The following CTDNEP1 variants were observed in gnomAD, a reference collection of about 807,000 sequenced individuals.
CTDNEP1 encodes the protein C-terminal domain nuclear envelope phosphatase 1.
In CTDNEP1, 3 loss-of-function variants were observed where a neutral mutation model predicts 30.1. The observed-to-expected ratio is 0.10, with a 90% CI of 0.05 to 0.26. The LOEUF is 0.26. Among genes scored for constraint, CTDNEP1 ranks in the 10% least tolerant of loss-of-function variants. The pLI is 1.00. For missense variants in CTDNEP1, 158 were observed against 310.4 expected, an observed-to-expected ratio of 0.51 and a Z score of 3.69; for synonymous variants, 123 against 118.8, an observed-to-expected ratio of 1.04 and a Z score of -0.23.
chr17:7,243,889 G>C lies in CTDNEP1; in HGVS notation c.*296C>G. On this transcript the variant is annotated 3_prime_UTR_variant, in exon 8 of 8. Transcript: ENST00000574322. Reference sequence around the variant, plus strand: ...TGGATCACCGTATGTCTGTCACTCTGGCCAGTCCTGCCTCTTCACAAACAC... The same window carrying C: ...TGGATCACCGTATGTCTGTCACTCTCGCCAGTCCTGCCTCTTCACAAACAC... 4 of 1,208,952 alleles carry C rather than the reference G, an allele frequency of 3.3e-6. No homozygotes were observed. Among genetic ancestry groups the C allele is most frequent in the Non-Finnish European group, 4.2e-6 (4 of 949,880 alleles). The allele number at this position is 1,208,952 out of a possible 1,614,324, so 74.9% of individuals were successfully genotyped here. A position where few individuals can be genotyped will look rare whatever the true frequency, so the allele number is the denominator to read the frequency against.
chr17:7,248,259 CAAAAAA>C (rs755835552), intron 1 of CTDNEP1, among the ~76,000 whole-genome samples: 35 of 15,404 alleles, frequency 2.3e-3, no homozygotes, highest in Admixed American at 4.5e-3. Flanking sequence ...GACTCCGTCG[CAAAAAA>C]AAAAAAAAAA....
At chr17:7,247,441 A>T in intron 1 of CTDNEP1, 98 bp from the exon 2 acceptor site, 2 of 855,916 alleles carry the variant, frequency 2.3e-6, no homozygotes, top group Non-Finnish European at 3.9e-6. Flanking sequence ...CACAGGTACT[A>T]TGTATGTAAT....
chr17:7,249,848 T>C (rs1035067448), intron 1 of CTDNEP1, among the ~76,000 whole-genome samples: 1 of 151,932 alleles, frequency 6.6e-6, no homozygotes, highest in Non-Finnish European at 1.5e-5. Flanking sequence ...GAAGTGGAGG[T>C]TGCAGTGAGC....
At chr17:7,249,684 G>A (rs2071887439) in intron 1 of CTDNEP1, among the ~76,000 whole-genome samples, 1 of 152,192 alleles carries the variant, frequency 6.6e-6, no homozygotes, top group Admixed American at 6.5e-5. Context: ...GCCAAGGCGG[G>A]CAGATCACTT....
At position 7,246,960 on chromosome 17, in the gene CTDNEP1, T is replaced by C; in HGVS notation, c.289-98A>G. The stretch of plus-strand genomic sequence containing the variant: ...CTGCTTCCCTCCTCCAGGCTGACAC[T>C]GGTGCCAGCGGATGGAGACAGATGC... On this transcript the variant is annotated intron_variant, in intron 3 of 7. Transcript: ENST00000574322. The surrounding 1 kb of genome is among the most constrained non-coding windows in gnomAD (Gnocchi z 4.9). 7.1e-7 allele frequency: 1 copy of C among 1,403,458 alleles called. No individual in the cohort carries two copies. The highest frequency in any genetic ancestry group is 1.0e-6 in the Non-Finnish European group (1 of 992,794). The allele number at this position is 1,403,458 out of a possible 1,614,324, so 86.9% of individuals were successfully genotyped here. A position where few individuals can be genotyped will look rare whatever the true frequency, so the allele number is the denominator to read the frequency against.
At chr17:7,249,061 G>A (rs1258763013) in intron 1 of CTDNEP1, among the ~76,000 whole-genome samples, 1 of 152,178 alleles carries the variant, frequency 6.6e-6, no homozygotes, top group Non-Finnish European at 1.5e-5. Context: ...GTCTGGAGGA[G>A]GCCAGAGTGA....
Position 7,247,049 on chromosome 17 carries a change from C to T in CTDNEP1, c.288+15G>A, listed in dbSNP as rs2071847298. 1 of 1,583,784 alleles carries T rather than the reference C, an allele frequency of 6.3e-7. No individual in the cohort carries two copies. The highest frequency in any genetic ancestry group is 2.2e-5 in the East Asian group (1 of 44,730). On this transcript the variant is annotated intron_variant, in intron 3 of 7. Coordinates refer to ENST00000574322, the MANE Select transcript of CTDNEP1 (RefSeq NM_001143775.2). The stretch of plus-strand genomic sequence containing the variant: ...AACAGATGGAACCATTTCATCACTC[C>T]CCACCACCACACACCTTGAGGATGA...
chr17:7,248,259 CAAAAAAAAA>C (rs755835552), intron 1 of CTDNEP1, among the ~76,000 whole-genome samples: 6 of 15,406 alleles, frequency 3.9e-4, no homozygotes, highest in Admixed American at 1.1e-3. Context: ...GACTCCGTCG[CAAAAAAAAA>C]AAAAAAAAAA....
chr17:7,250,349 G>A (rs1473964278), intron 1 of CTDNEP1, among the ~76,000 whole-genome samples: 1 of 152,212 alleles, frequency 6.6e-6, no homozygotes, highest in Non-Finnish European at 1.5e-5. Flanking sequence ...TTAAAGTGCT[G>A]TTAGCTGAAG....
At position 7,243,675 on chromosome 17, in the gene CTDNEP1, A is replaced by C. The variant is rs2071804195; in HGVS notation, c.*510T>G. The C allele has an allele frequency of 6.3e-6, 1 of 159,114 alleles. No homozygotes were observed. The highest frequency in any genetic ancestry group is 6.2e-5 in the Admixed American group (1 of 16,240). The allele number at this position is 159,114 out of a possible 1,614,324, so 9.9% of individuals were successfully genotyped here. ...CTGGTTACAGGTCTGAGGGAGTCTAAGGAGAGAAAAATAGAGGGAGAGTAA... is the reference window on the plus strand; with the variant it reads ...CTGGTTACAGGTCTGAGGGAGTCTACGGAGAGAAAAATAGAGGGAGAGTAA... On this transcript the variant is annotated 3_prime_UTR_variant, in exon 8 of 8. Transcript: ENST00000574322.
rs1304425467 is a variant in CTDNEP1 at position 7,246,454 on chromosome 17, C to T, written c.361-84G>A. 6.0e-6 allele frequency: 6 copies of T among 994,222 alleles called. No individual in the cohort carries two copies. The highest frequency in any genetic ancestry group is 3.1e-4 in the Middle Eastern group (1 of 3,186). 61.6% of individuals were successfully genotyped at this position (994,222 alleles called of 1,614,324 possible). A position where few individuals can be genotyped will look rare whatever the true frequency, so the allele number is the denominator to read the frequency against. On this transcript the variant is annotated intron_variant, in intron 4 of 7. Coordinates refer to ENST00000574322, the MANE Select transcript of CTDNEP1 (RefSeq NM_001143775.2). The surrounding 1 kb of genome is among the most constrained non-coding windows in gnomAD (Gnocchi z 4.9). ...CAGTTATCTTTCAGAAAGGCAATGG[C>T]ATAGTCCTTCAGGCCTTCCATCAAC... is the stretch of plus-strand genomic sequence containing the variant.
chr17:7,244,220 G>A lies in CTDNEP1; in HGVS notation c.700C>T (p.Leu234=). ...CGATGTTGGTGAAGGTTTCGGCTCAGCACGGAACGAACATCAGCGGTGAAC... is the reference window on the plus strand; with the variant it reads ...CGATGTTGGTGAAGGTTTCGGCTCAACACGGAACGAACATCAGCGGTGAAC... The part of the protein sequence containing the change: ...LRFTADVRSV[L]SRNLHQHRLW The change falls in exon 8 of 8, where the codon CTG becomes TTG. Residue 234 remains leucine (L), a synonymous_variant. Transcript: ENST00000574322. 1 of 1,614,094 alleles carries A rather than the reference G, an allele frequency of 6.2e-7. No homozygotes were observed. The highest frequency in any genetic ancestry group is 8.5e-7 in the Non-Finnish European group (1 of 1,180,014).
intron 1 of CTDNEP1, among the ~76,000 whole-genome samples, chr17:7,250,295 G>A (rs2071897132): frequency 6.6e-6 from 1 of 152,190 alleles, no homozygotes; most frequent in East Asian, 1.9e-4. Flanking sequence ...GACTCCTTCC[G>A]AGGATTCTCC....
chr17:7,247,081 G>A lies in CTDNEP1; in HGVS notation c.271C>T (p.Pro91Ser). 6.2e-7 allele frequency: 1 copy of A among 1,612,100 alleles called. No homozygotes were observed. The highest frequency in any genetic ancestry group is 8.5e-7 in the Non-Finnish European group (1 of 1,179,372). The change falls in exon 3 of 8, where the codon CCT becomes TCT. Residue 91 changes from proline (P) to serine (S), a missense_variant. Pro to Ser is a moderately conservative substitution (Grantham distance 74). This residue lies in a region of CTDNEP1 where 96 missense variants were observed against 229.1 expected (regional missense o/e 0.42). Coordinates refer to ENST00000574322, the MANE Select transcript of CTDNEP1 (RefSeq NM_001143775.2). ...LRPTVRPGTP[P>S]DFILKVVIDK... ...CCACACACCTTGAGGATGAAGTCAG[G>A]AGGCGTACCAGGCCGGACTGTGGGC...
intron 1 of CTDNEP1, among the ~76,000 whole-genome samples, chr17:7,249,858 C>T (rs1486553802): frequency 6.6e-6 from 1 of 152,082 alleles, no homozygotes; most frequent in Non-Finnish European, 1.5e-5. Flanking sequence ...TTGCAGTGAG[C>T]GGAGATGGCA....
In CTDNEP1 at chr17:7,251,571, CA is replaced by C. The variant is rs2071926853; in HGVS notation, c.-276del. On this transcript the variant is annotated 5_prime_UTR_variant, in exon 1 of 8. Transcript: ENST00000574322. The stretch of plus-strand genomic sequence containing the variant: ...GCTTCGGGGAGGTTGCGGGCCGAGA[CA>C]GGTAGGGCTAGGATGGGGTCCTCCG... 9.1e-6 allele frequency: 2 copies of C among 220,856 alleles called. No individual in the cohort carries two copies. Among genetic ancestry groups the C allele is most frequent in the Non-Finnish European group, 1.7e-5 (2 of 119,970 alleles). The allele number at this position is 220,856 out of a possible 1,614,324, so 13.7% of individuals were successfully genotyped here. A position where few individuals can be genotyped will look rare whatever the true frequency, so the allele number is the denominator to read the frequency against.
intron 1 of CTDNEP1, among the ~76,000 whole-genome samples, chr17:7,250,150 G>A (rs923822162): frequency 3.9e-5 from 6 of 152,052 alleles, no homozygotes; most frequent in Admixed American, 2.6e-4. Flanking sequence ...ACCACTGAGG[G>A]CTTTCTGGAA....
Position 7,246,870 on chromosome 17 carries a change from G to A in CTDNEP1, c.289-8C>T, listed in dbSNP as rs2071845252. 1.2e-6 allele frequency: 2 copies of A among 1,612,698 alleles called. No individual in the cohort carries two copies. The highest frequency in any genetic ancestry group is 1.1e-5 in the South Asian group (1 of 91,046). On this transcript the variant is annotated splice_region_variant and splice_polypyrimidine_tract_variant and intron_variant, in intron 3 of 7. Transcript: ENST00000574322. This position sits in a 1 kb window ranked among gnomAD's most constrained non-coding sequence, Gnocchi z 4.9. Reference sequence around the variant, plus strand: ...ATGTTTGTCTATTACCACCTACAGAGGAACAAGATGGGCTGGGGGATGTCA... The same window carrying A: ...ATGTTTGTCTATTACCACCTACAGAAGAACAAGATGGGCTGGGGGATGTCA...
Position 7,246,639 on chromosome 17 carries a change from C to T in CTDNEP1, c.360+152G>A. 1 of 703,626 alleles carries T rather than the reference C, an allele frequency of 1.4e-6. No homozygotes were observed. The highest frequency in any genetic ancestry group is 2.5e-5 in the East Asian group (1 of 40,616). The allele number at this position is 703,626 out of a possible 1,614,324, so 43.6% of individuals were successfully genotyped here. On this transcript the variant is annotated intron_variant, in intron 4 of 7. Coordinates refer to ENST00000574322, the MANE Select transcript of CTDNEP1 (RefSeq NM_001143775.2). This position sits in a 1 kb window ranked among gnomAD's most constrained non-coding sequence, Gnocchi z 4.9. ...CAGCACAACAAATGAACCCCAAGTACTGAAAGCCACTCCCCTACCATTACA... is the reference window on the plus strand; with the variant it reads ...CAGCACAACAAATGAACCCCAAGTATTGAAAGCCACTCCCCTACCATTACA...
Sources: allele counts gnomAD v4.1 joint callset (sites outside exome capture counted in the v4.1 genomes callset), GRCh38; gene constraint gnomAD v4.1.1; regional missense constraint gnomAD v4.1.1; non-coding constraint Gnocchi (gnomAD v3.1); transcripts MANE v1.5; gene names NCBI Gene and HGNC (gene_info 2026-07-23, HGNC 2026-07-21).